Variants in FGF12 observed in about 807,000 individuals in gnomAD.
FGF12 encodes fibroblast growth factor 12B.
In FGF12, 14 loss-of-function variants were observed where a neutral mutation model predicts 23.6. That is an observed-to-expected ratio of 0.59 (90% CI 0.39 to 0.93). FGF12 has a LOEUF of 0.93. Ranked by LOEUF, FGF12 falls within the 40% of genes least tolerant of loss-of-function variation. The probability of loss-of-function intolerance (pLI) is 0.00; values close to 1 mark genes in which losing one functional copy is unlikely to be tolerated. For missense variants in FGF12, 175 were observed against 217.8 expected (o/e 0.80, Z 1.24); for synonymous variants, 62 against 77.3 (o/e 0.80, Z 1.04).
At chr3:192,666,435 C>T (rs1015609677) in intron 2 of FGF12, among the ~76,000 whole-genome samples, 1 of 152,114 alleles carries the variant, frequency 6.6e-6, no homozygotes, top group African/African-American at 2.4e-5. Context: ...ATCATTTTTC[C>T]AGATGTAAGT....
intron 2 of FGF12, among the ~76,000 whole-genome samples, chr3:192,636,414 G>A (rs1234792179): frequency 6.6e-6 from 1 of 152,188 alleles, no homozygotes; most frequent in Non-Finnish European, 1.5e-5. Context: ...CATCGCTGCA[G>A]AAAGTTCTCT....
intron 2 of FGF12, among the ~76,000 whole-genome samples, chr3:192,506,960 C>A (rs147573908): frequency 6.9e-6 from 1 of 145,708 alleles, no homozygotes; most frequent in Non-Finnish European, 1.5e-5. Flanking sequence ...GGTGTGATCT[C>A]GGCTCACTGA....
At chr3:192,319,165 T>C (rs951017662) in intron 4 of FGF12, among the ~76,000 whole-genome samples, 1 of 152,000 alleles carries the variant, frequency 6.6e-6, no homozygotes, top group Non-Finnish European at 1.5e-5. Flanking sequence ...GAATGAGCAA[T>C]AAGAAACCAT....
Position 192,488,672 on chromosome 3 carries a change from T to C in FGF12, c.14-128134A>G, listed in dbSNP as rs1332593936. On this transcript the variant is annotated intron_variant, in intron 2 of 5. Transcript: ENST00000445105. ...AAAAGTTATGTTGTGTGAGCCTTAA[T>C]TGGATGAGAACCTCGTCTTGCTGCT... Among the ~76,000 whole-genome samples, 7 of 152,172 alleles carry C rather than the reference T, an allele frequency of 4.6e-5. No individual in the cohort carries two copies. The East Asian group carries it at 5.8e-4, about 13-fold the overall frequency.
intron 2 of FGF12, among the ~76,000 whole-genome samples, chr3:192,556,973 A>G (rs1711807934): frequency 1.3e-5 from 2 of 152,086 alleles, no homozygotes; most frequent in South Asian, 4.1e-4. Flanking sequence ...TCAAAGAAAA[A>G]GCCAAAAGGG....
intron 2 of FGF12, among the ~76,000 whole-genome samples, chr3:192,565,777 A>G (rs1204183165): frequency 1.3e-5 from 2 of 152,186 alleles, no homozygotes; most frequent in African/African-American, 4.8e-5. Flanking sequence ...CTCAGAACAT[A>G]TCCCTGTCAT....
At chr3:192,241,502 C>T (rs1719616612) in intron 4 of FGF12, among the ~76,000 whole-genome samples, 1 of 152,026 alleles carries the variant, frequency 6.6e-6, no homozygotes, top group Admixed American at 6.6e-5. Flanking sequence ...CATACTAATT[C>T]CATCACTGAT....
intron 3 of FGF12, among the ~76,000 whole-genome samples, chr3:192,339,256 A>G (rs544152335): frequency 6.6e-6 from 1 of 152,242 alleles, no homozygotes; most frequent in East Asian, 1.9e-4. Context: ...GTTATCTATT[A>G]ATTATCTTCA....
chr3:192,581,178 T>G (rs1713119557), intron 2 of FGF12, among the ~76,000 whole-genome samples: 1 of 152,036 alleles, frequency 6.6e-6, no homozygotes, highest in African/African-American at 2.4e-5. Flanking sequence ...TAGAAGACTT[T>G]CAATGATGTG....
intron 2 of FGF12, among the ~76,000 whole-genome samples, chr3:192,725,730 T>C (rs1719190804): frequency 6.6e-6 from 1 of 152,194 alleles, no homozygotes; most frequent in Non-Finnish European, 1.5e-5. Flanking sequence ...AGAAAAACTG[T>C]TTCATAGTAA....
chr3:192,593,194 T>C (rs1358009291), intron 2 of FGF12, among the ~76,000 whole-genome samples: 1 of 151,870 alleles, frequency 6.6e-6, no homozygotes, highest in Non-Finnish European at 1.5e-5. Flanking sequence ...CTGCCCTTCC[T>C]GCCTCCTCTC....
In FGF12 at chr3:192,222,986, G is replaced by A. The variant is rs943814542; in HGVS notation, c.229-52330C>T. 2.2e-4 allele frequency among the ~76,000 whole-genome samples: 34 copies of A among 152,110 alleles called. 1 individual carries two copies. The highest frequency in any genetic ancestry group is 2.0e-3 in the Admixed American group (31 of 15,268). On this transcript the variant is annotated intron_variant, in intron 4 of 5. Transcript: ENST00000445105. ...TCATGTCCTTCCTCTTCAGTTGCAC[G>A]TATTCCGCACTGCACCTCTGCCCAT...
intron 4 of FGF12, among the ~76,000 whole-genome samples, chr3:192,269,993 C>A (rs1713331871): frequency 6.6e-6 from 1 of 152,128 alleles, no homozygotes; most frequent in African/African-American, 2.4e-5. Flanking sequence ...CATTAAAGAA[C>A]ATGGAATATT....
intron 2 of FGF12, among the ~76,000 whole-genome samples, chr3:192,719,383 G>C (rs1330690464): frequency 6.6e-6 from 1 of 152,102 alleles, no homozygotes; most frequent in Non-Finnish European, 1.5e-5. Context: ...TTACGTTATT[G>C]TTATTGAGGG....
At chr3:192,537,161 C>T (rs1051125802) in intron 2 of FGF12, among the ~76,000 whole-genome samples, 10 of 152,076 alleles carry the variant, frequency 6.6e-5, no homozygotes, top group African/African-American at 2.4e-4. Context: ...GAATAGTACA[C>T]CATTGTGTAT....
intron 2 of FGF12, among the ~76,000 whole-genome samples, chr3:192,486,974 C>A (rs1044602204): frequency 6.6e-6 from 1 of 152,018 alleles, no homozygotes; most frequent in Non-Finnish European, 1.5e-5. Flanking sequence ...ATCTGGATTT[C>A]CTCCTGCATC....
chr3:192,349,731 T>A (rs1718126810), intron 3 of FGF12, among the ~76,000 whole-genome samples: 1 of 152,152 alleles, frequency 6.6e-6, no homozygotes, highest in Admixed American at 6.5e-5. Flanking sequence ...GGAAATAATT[T>A]CCTTACTCAT....
At chr3:192,171,369 GGTAA>G (rs1474092149) in intron 4 of FGF12, among the ~76,000 whole-genome samples, 2 of 150,442 alleles carry the variant, frequency 1.3e-5, no homozygotes, top group East Asian at 3.9e-4. Flanking sequence ...TCCAGCATTT[GGTAA>G]GTGAGAAAAC....
At chr3:192,503,396 T>C (rs990764984) in intron 2 of FGF12, among the ~76,000 whole-genome samples, 1 of 152,146 alleles carries the variant, frequency 6.6e-6, no homozygotes, top group Admixed American at 6.6e-5. Context: ...GTAGTAGTGT[T>C]ACTATGCCGA....
Sources: allele counts gnomAD v4.1 joint callset (sites outside exome capture counted in the v4.1 genomes callset), GRCh38; gene constraint gnomAD v4.1.1; transcripts MANE v1.5; gene names NCBI Gene and HGNC (gene_info 2026-07-23, HGNC 2026-07-21).